ZFHX3: variants seen among roughly 807,000 people sequenced by gnomAD.
ZFHX3 encodes the protein zinc finger homeobox 3, also known as zinc finger homeobox protein 3.
Under a neutral mutation model 279.1 loss-of-function variants are expected in ZFHX3, and 42 were observed. That is an observed-to-expected ratio of 0.15 (90% CI 0.12 to 0.19). The LOEUF (loss-of-function observed/expected upper bound fraction) is 0.19. Ranked by LOEUF, ZFHX3 falls within the 10% of genes least tolerant of loss-of-function variation. The probability of loss-of-function intolerance (pLI) is 1.00; values close to 1 mark genes in which losing one functional copy is unlikely to be tolerated. For synonymous variants in ZFHX3, 2,293 were observed against 1,957.8 expected, an observed-to-expected ratio of 1.17 and a Z score of -4.52; for missense variants, 4,981 against 4,754.0, an observed-to-expected ratio of 1.05 and a Z score of -1.40.
chr16:72,823,106 G>A (rs900534619), intron 5 of ZFHX3, among the ~76,000 whole-genome samples: 2 of 152,166 alleles, frequency 1.3e-5, no homozygotes, highest in Non-Finnish European at 2.9e-5. Flanking sequence ...GGGAGTGAGA[G>A]AAGGGGGCAC....
At chr16:73,603,199 G>T (rs1042621384) in intron 2 of ZFHX3, among the ~76,000 whole-genome samples, 2 of 151,164 alleles carry the variant, frequency 1.3e-5, no homozygotes, top group East Asian at 3.9e-4. Flanking sequence ...GCAGGAGAAT[G>T]GCGTGAACCC....
chr16:72,793,376 G>A lies in ZFHX3; in HGVS notation c.9306C>T (p.Asp3102=), dbSNP rs1567512652. 6.2e-7 allele frequency: 1 copy of A among 1,614,222 alleles called. No homozygotes were observed. The highest frequency in any genetic ancestry group is 1.7e-5 in the Admixed American group (1 of 60,036). ...GGTTAAGGGCCTGAAGAGGGGTGTTGTCAAACATCCCTTGCTGCTGAGCTG... is the reference window on the plus strand; with the variant it reads ...GGTTAAGGGCCTGAAGAGGGGTGTTATCAAACATCCCTTGCTGCTGAGCTG... The part of the protein sequence containing the change: ...GLAAQQQGMF[D]NTPLQALNLP... The change falls in exon 9 of 10, where the codon GAC becomes GAT. Residue 3102 remains aspartate, a synonymous_variant. Transcript: ENST00000268489. This position sits in a 1 kb window ranked among gnomAD's most constrained non-coding sequence, Gnocchi z 4.3.
At chr16:73,307,236 T>C (rs1442189791) in intron 4 of ZFHX3, among the ~76,000 whole-genome samples, 1 of 152,226 alleles carries the variant, frequency 6.6e-6, no homozygotes, top group African/African-American at 2.4e-5. Context: ...ATTTGTAAAC[T>C]GGGCTTCCTG....
At chr16:73,792,578 C>T (rs919644507) in intron 1 of ZFHX3, among the ~76,000 whole-genome samples, 1 of 152,144 alleles carries the variant, frequency 6.6e-6, no homozygotes, top group African/African-American at 2.4e-5. Flanking sequence ...TTCAGCCGTC[C>T]TGTAAGTAGC....
intron 2 of ZFHX3, among the ~76,000 whole-genome samples, chr16:73,673,688 A>T (rs2142187522): frequency 6.6e-6 from 1 of 152,330 alleles, no homozygotes; most frequent in Non-Finnish European, 1.5e-5. Flanking sequence ...AGGGTATGGC[A>T]TTTGCCTGGA....
chr16:73,254,220 G>A (rs2013597296), intron 5 of ZFHX3, among the ~76,000 whole-genome samples: 1 of 152,116 alleles, frequency 6.6e-6, no homozygotes, highest in Non-Finnish European at 1.5e-5. Context: ...CATACACATG[G>A]TCTGAGGCAC....
At chr16:73,687,565 C>T (rs879433767) in intron 1 of ZFHX3, among the ~76,000 whole-genome samples, 10 of 152,020 alleles carry the variant, frequency 6.6e-5, no homozygotes, top group South Asian at 2.1e-4. Flanking sequence ...AACTATTGAC[C>T]GGGTGCGGTG....
chr16:73,082,115 G>A (rs1567659079), intron 8 of ZFHX3, among the ~76,000 whole-genome samples: 3 of 151,964 alleles, frequency 2.0e-5, no homozygotes, highest in African/African-American at 7.2e-5. Context: ...GGGATTACAG[G>A]TGTGAGCCAC....
At chr16:73,124,521 C>A (rs1966538455) in intron 7 of ZFHX3, among the ~76,000 whole-genome samples, 1 of 152,146 alleles carries the variant, frequency 6.6e-6, no homozygotes. Flanking sequence ...GGCTTTGGAG[C>A]CAGGCAGGTT....
chr16:73,535,789 C>G (rs2019890375), intron 2 of ZFHX3, among the ~76,000 whole-genome samples: 1 of 143,476 alleles, frequency 7.0e-6, no homozygotes, highest in African/African-American at 2.6e-5. Flanking sequence ...ATGGTGTGAT[C>G]TCGGCTCACT....
intron 3 of ZFHX3, among the ~76,000 whole-genome samples, chr16:73,361,801 T>C (rs1277147720): frequency 2.0e-5 from 3 of 152,178 alleles, no homozygotes; most frequent in African/African-American, 7.2e-5. Flanking sequence ...TGGGGCAATA[T>C]TGTAAGTGAC....
chr16:73,117,877 C>A (rs1074564), intron 7 of ZFHX3, among the ~76,000 whole-genome samples: 67,841 of 152,014 alleles, frequency 0.45, 16,815 homozygotes, highest in Middle Eastern at 0.61. Context: ...GTCTATGAAC[C>A]AGGAAGTGAG....
chr16:73,550,576 A>C (rs1463154935), intron 2 of ZFHX3, among the ~76,000 whole-genome samples: 1 of 152,232 alleles, frequency 6.6e-6, no homozygotes, highest in Admixed American at 6.5e-5. Context: ...GATCCTTCGC[A>C]AAGTTTTTCA....
rs146888578 is a variant in ZFHX3, at chr16:73,336,485, G to A, written c.-1290-18149C>T. On this transcript the variant is annotated intron_variant, in intron 3 of 17. Coordinates refer to the ZFHX3 transcript ENST00000641206. ...TCCCATTTACAAGTGAAAACATGTG[G>A]TGTTTGATTTTCTGTTCCTGCATTA... Among the ~76,000 whole-genome samples, 6 of 150,348 alleles carry A rather than the reference G, an allele frequency of 4.0e-5. No homozygotes were observed. The East Asian group carries it at 1.2e-3, about 30-fold the overall frequency.
intron 2 of ZFHX3, among the ~76,000 whole-genome samples, chr16:73,651,727 C>T (rs990182688): frequency 6.1e-5 from 9 of 146,918 alleles, no homozygotes; most frequent in African/African-American, 2.2e-4. Flanking sequence ...TGGTGGCAGG[C>T]TCCTGTAGTC....
chr16:73,129,674 GTGTGCATGTGTGCGCGCA>G (rs59051969), intron 7 of ZFHX3, among the ~76,000 whole-genome samples: 4,962 of 151,328 alleles, frequency 0.033, 271 homozygotes, highest in African/African-American at 0.11. Flanking sequence ...GCCCACGCCT[GTGTGCATGTGTGCGCGCA>G]TGTGCATGTG....
intron 2 of ZFHX3, among the ~76,000 whole-genome samples, chr16:73,506,750 C>T (rs547281759): frequency 3.3e-5 from 5 of 152,234 alleles, no homozygotes; most frequent in Admixed American, 2.0e-4. Flanking sequence ...TGTGCAACCA[C>T]GGCAACCACA....
intron 1 of ZFHX3, among the ~76,000 whole-genome samples, chr16:73,723,963 G>A (rs891692143): frequency 2.6e-5 from 4 of 152,176 alleles, no homozygotes; most frequent in African/African-American, 4.8e-5. Context: ...ATAGTAGATC[G>A]CCTTTGGTCT....
At chr16:73,126,931 G>A (rs1295336520) in intron 7 of ZFHX3, 3 of 155,682 alleles carry the variant, frequency 1.9e-5, no homozygotes, top group African/African-American at 7.2e-5. Flanking sequence ...TCAACGTCCT[G>A]AGTCCTGGTA....
Sources: allele counts gnomAD v4.1 joint callset (sites outside exome capture counted in the v4.1 genomes callset), GRCh38; gene constraint gnomAD v4.1.1; non-coding constraint Gnocchi (gnomAD v3.1); transcripts MANE v1.5; gene names NCBI Gene and HGNC (gene_info 2026-07-23, HGNC 2026-07-21).